ITGB3BP: variants seen among roughly 807,000 people sequenced by gnomAD.
The protein encoded by ITGB3BP is centromere protein R.
In ITGB3BP, 27 loss-of-function variants were observed where a neutral mutation model predicts 29.1. The ratio of observed to expected loss-of-function variants is 0.93; its 90% CI spans 0.68 to 1.28. The LOEUF is 1.28. Ranked by LOEUF, ITGB3BP falls within the 50% of genes most tolerant of loss-of-function variation. ITGB3BP has a pLI of 0.00. For synonymous variants in ITGB3BP, 61 were observed against 61.4 expected, an observed-to-expected ratio of 0.99 and a Z score of 0.03; for missense variants, 192 against 200.2, an observed-to-expected ratio of 0.96 and a Z score of 0.25.
chr1:63,454,860 A>G lies in ITGB3BP; in HGVS notation c.333+30T>C, dbSNP rs1173730030. 2.0e-6 allele frequency: 2 copies of G among 1,007,452 alleles called. No homozygotes were observed. Among genetic ancestry groups the G allele is most frequent in the Non-Finnish European group, 3.0e-6 (2 of 655,804 alleles). 62.4% of individuals were successfully genotyped at this position (1,007,452 alleles called of 1,614,324 possible). On this transcript the variant is annotated intron_variant, in intron 5 of 8. Coordinates refer to ENST00000271002, the MANE Select transcript of ITGB3BP (RefSeq NM_014288.5). This position sits in a 1 kb window ranked among gnomAD's most constrained non-coding sequence, Gnocchi z 4.1. ...CACTTCTTTCATTTTATCCTTTTCA[A>G]ACAGGGTAGAAGTATGAAAAAATGC...
chr1:63,442,660 G>A (rs1644744577), intron 8 of ITGB3BP: 1 of 152,182 alleles, frequency 6.6e-6, no homozygotes, highest in Non-Finnish European at 1.5e-5. Flanking sequence ...TGCCATGTTG[G>A]GGGTTATCAA....
intron 7 of ITGB3BP, among the ~76,000 whole-genome samples, chr1:63,450,211 A>G (rs12738349): frequency 0.15 from 22,838 of 151,954 alleles, 1,744 homozygotes; most frequent in Middle Eastern, 0.25. Flanking sequence ...CAAACAGCTG[A>G]AACACTGAAC....
intron 4 of ITGB3BP, among the ~76,000 whole-genome samples, chr1:63,465,337 T>A (rs532617668): frequency 1.3e-5 from 2 of 152,260 alleles, no homozygotes; most frequent in East Asian, 3.9e-4. Flanking sequence ...AAATTTAAAA[T>A]TATTTAAGAA....
intron 3 of ITGB3BP, among the ~76,000 whole-genome samples, chr1:63,489,291 T>C (rs1357829701): frequency 6.6e-6 from 1 of 151,778 alleles, no homozygotes; most frequent in Non-Finnish European, 1.5e-5. Flanking sequence ...CATTAAATGT[T>C]AAACAATAAA....
At chr1:63,444,999 A>G (rs1010977401) in intron 8 of ITGB3BP, among the ~76,000 whole-genome samples, 3 of 152,102 alleles carry the variant, frequency 2.0e-5, no homozygotes, top group Admixed American at 1.3e-4. Flanking sequence ...AAATTACTCA[A>G]TAGGGCTGGG....
At chr1:63,506,032 G>C (rs146569891) in intron 2 of ITGB3BP, among the ~76,000 whole-genome samples, 3,345 of 152,210 alleles carry the variant, frequency 0.022, 127 homozygotes, top group African/African-American at 0.076. Context: ...TATTAGGTCC[G>C]CCTGGTGCAG....
intron 1 of ITGB3BP, among the ~76,000 whole-genome samples, chr1:63,514,640 CA>C (rs1269006127): frequency 6.6e-6 from 1 of 152,090 alleles, no homozygotes; most frequent in Admixed American, 6.5e-5. Flanking sequence ...TTCTCCCAGT[CA>C]GTTGTTTGAA....
At chr1:63,510,193 A>AG (rs1415927922) in intron 1 of ITGB3BP, 1 of 511,908 alleles carries the variant, frequency 2.0e-6, no homozygotes, top group East Asian at 3.2e-5. Context: ...TGTCTCAAAA[A>AG]AAAAAGAAAA....
intron 1 of ITGB3BP, among the ~76,000 whole-genome samples, chr1:63,513,415 A>T (rs1424131767): frequency 6.6e-6 from 1 of 152,136 alleles, no homozygotes; most frequent in African/African-American, 2.4e-5. Flanking sequence ...CTATGTACCC[A>T]TAACGCTTTG....
chr1:63,477,174 C>CTT (rs1185269763), intron 4 of ITGB3BP, among the ~76,000 whole-genome samples: 1 of 152,174 alleles, frequency 6.6e-6, no homozygotes, highest in African/African-American at 2.4e-5. Flanking sequence ...AAACTCTTCT[C>CTT]TTTGTCCCTA....
chr1:63,525,745 A>T, upstream of ITGB3BP: 1 of 1,564,218 alleles, frequency 6.4e-7, no homozygotes, highest in South Asian at 1.2e-5. Context: ...ATTTCTAAAG[A>T]TCAACTTTAC....
At chr1:63,484,272 T>C (rs1219237486) in intron 3 of ITGB3BP, among the ~76,000 whole-genome samples, 3 of 152,096 alleles carry the variant, frequency 2.0e-5, no homozygotes, top group African/African-American at 7.2e-5. Flanking sequence ...GTATTGGTTA[T>C]ATGCAAATAC....
chr1:63,469,839 C>A (rs917281835), intron 4 of ITGB3BP, among the ~76,000 whole-genome samples: 7 of 152,226 alleles, frequency 4.6e-5, no homozygotes, highest in Admixed American at 4.6e-4. Context: ...TGGCCCTAAA[C>A]TGGCCATAAA....
intron 1 of ITGB3BP, among the ~76,000 whole-genome samples, chr1:63,517,154 A>G (rs1047881273): frequency 6.6e-6 from 1 of 152,134 alleles, no homozygotes; most frequent in African/African-American, 2.4e-5. Context: ...CTTTTTTTAA[A>G]AAAGATCCAT....
intron 4 of ITGB3BP, among the ~76,000 whole-genome samples, chr1:63,455,189 A>G (rs1644915750): frequency 6.6e-6 from 1 of 152,128 alleles, no homozygotes; most frequent in African/African-American, 2.4e-5. Context: ...CTTTCTCCAC[A>G]ATGCCACATT....
At chr1:63,491,537 T>C (rs557596278) in intron 2 of ITGB3BP, among the ~76,000 whole-genome samples, 43 of 152,224 alleles carry the variant, frequency 2.8e-4, no homozygotes, top group Middle Eastern at 3.4e-3. Context: ...TATAGCTTGG[T>C]AGAGGATTTG....
chr1:63,506,608 G>GC, intron 2 of ITGB3BP, among the ~76,000 whole-genome samples: 1 of 152,250 alleles, frequency 6.6e-6, no homozygotes, highest in South Asian at 2.1e-4. Context: ...TTTGAACCTT[G>GC]CCCAAACATC....
chr1:63,476,317 C>A (rs12409378), intron 4 of ITGB3BP, among the ~76,000 whole-genome samples: 32,431 of 151,804 alleles, frequency 0.21, 4,044 homozygotes, highest in African/African-American at 0.35. Flanking sequence ...GCGCCTGCCA[C>A]CATGCCCAGC....
intron 7 of ITGB3BP, 167 bp from the exon 8 acceptor site, chr1:63,447,023 A>G (rs766665717): frequency 1.0e-5 from 6 of 583,686 alleles, no homozygotes; most frequent in Non-Finnish European, 1.5e-5. Flanking sequence ...TCAACATGCT[A>G]TAGTTAGCCT....
Sources: allele counts gnomAD v4.1 joint callset (sites outside exome capture counted in the v4.1 genomes callset), GRCh38; gene constraint gnomAD v4.1.1; non-coding constraint Gnocchi (gnomAD v3.1); transcripts MANE v1.5; gene names NCBI Gene and HGNC (gene_info 2026-07-23, HGNC 2026-07-21).